The following MTREX variants were observed in gnomAD, a reference collection of about 807,000 sequenced individuals.
MTREX encodes the protein Mtr4 exosome RNA helicase, also known as exosome RNA helicase MTR4.
Under a neutral mutation model 135.4 loss-of-function variants are expected in MTREX, and 76 were observed. The ratio of observed to expected loss-of-function variants is 0.56; its 90% CI spans 0.47 to 0.68. The LOEUF (loss-of-function observed/expected upper bound fraction) is 0.68, where lower values mean the gene tolerates loss of function less well. Among genes scored for constraint, MTREX ranks in the 30% least tolerant of loss-of-function variants. MTREX has a pLI of 0.00. For missense variants in MTREX, 920 were observed against 1,262.1 expected (o/e 0.73, Z 4.11); for synonymous variants, 404 against 401.6 (o/e 1.01, Z -0.07).
intron 3 of MTREX, among the ~76,000 whole-genome samples, chr5:55,325,762 ACCCTTTCCCACTTCACTTCCTG>A (rs1228091296): frequency 6.6e-6 from 1 of 151,412 alleles, no homozygotes; most frequent in Admixed American, 6.6e-5. Flanking sequence ...TAGTTTTTCA[ACCCTTTCCCACTTCACTTCCTG>A]CTGTTGGAGT....
intron 2 of MTREX, among the ~76,000 whole-genome samples, chr5:55,323,171 AAG>A (rs1749315955): frequency 6.6e-6 from 1 of 152,180 alleles, no homozygotes; most frequent in African/African-American, 2.4e-5. Flanking sequence ...TGGAATATTT[AAG>A]ATGCACCATT....
At chr5:55,384,068 G>T (rs906276217) in intron 18 of MTREX, among the ~76,000 whole-genome samples, 1 of 152,146 alleles carries the variant, frequency 6.6e-6, no homozygotes, top group African/African-American at 2.4e-5. Flanking sequence ...ACTGTGCCCA[G>T]GCCATTATTT....
intron 25 of MTREX, among the ~76,000 whole-genome samples, chr5:55,420,080 C>G (rs1751029499): frequency 6.6e-6 from 1 of 152,138 alleles, no homozygotes; most frequent in Non-Finnish European, 1.5e-5. Flanking sequence ...TTCTGAGACC[C>G]TAGTGGGAAT....
rs555205514 is a variant in MTREX at position 55,418,009 on chromosome 5, C to T, written c.2971+1877C>T. On this transcript the variant is annotated intron_variant, in intron 25 of 26. Transcript: ENST00000230640. Reference sequence around the variant, plus strand: ...CAACACTTTGGGAGGCCGAGGCGGGCGGATCAGGAGGTCAGGAAATCGAGA... The same window carrying T: ...CAACACTTTGGGAGGCCGAGGCGGGTGGATCAGGAGGTCAGGAAATCGAGA... Among the ~76,000 whole-genome samples the T allele has an allele frequency of 3.6e-4, 55 of 150,814 alleles. 1 individual carries two copies. In the East Asian group the frequency reaches 8.8e-3, roughly 24 times the overall value.
intron 16 of MTREX, among the ~76,000 whole-genome samples, chr5:55,376,248 C>T (rs1050703636): frequency 4.6e-5 from 7 of 152,182 alleles, no homozygotes; most frequent in Non-Finnish European, 1.0e-4. Flanking sequence ...TGACCATTTC[C>T]CATGAATGAT....
At chr5:55,311,935 C>T (rs1749119654) in intron 1 of MTREX, among the ~76,000 whole-genome samples, 1 of 152,078 alleles carries the variant, frequency 6.6e-6, no homozygotes, top group African/African-American at 2.4e-5. Context: ...ATATACTGGA[C>T]TGCTCTGATC....
intron 1 of MTREX, among the ~76,000 whole-genome samples, chr5:55,315,742 A>T (rs1398602127): frequency 1.3e-5 from 2 of 151,808 alleles, no homozygotes; most frequent in African/African-American, 4.8e-5. Flanking sequence ...ATTTATACTT[A>T]TGTATAATTG....
intron 18 of MTREX, among the ~76,000 whole-genome samples, chr5:55,383,096 C>CAA (rs1750422526): frequency 6.6e-6 from 1 of 152,130 alleles, no homozygotes; most frequent in African/African-American, 2.4e-5. Flanking sequence ...GTTTTGCTCC[C>CAA]ACCTACTTCC....
At chr5:55,421,539 CTTAGT>C (rs2111633742) in intron 25 of MTREX, among the ~76,000 whole-genome samples, 1 of 152,304 alleles carries the variant, frequency 6.6e-6, no homozygotes, top group Non-Finnish European at 1.5e-5. Context: ...ATTTACTTGC[CTTAGT>C]TTATTCTTTA....
chr5:55,331,653 T>C (rs925680942), intron 5 of MTREX, among the ~76,000 whole-genome samples: 1 of 152,206 alleles, frequency 6.6e-6, no homozygotes, highest in African/African-American at 2.4e-5. Context: ...TTCAGAACCT[T>C]CTCTTTGCAG....
In MTREX at chr5:55,366,717, T is replaced by C; in HGVS notation, c.1660-8T>C. 6.6e-7 allele frequency: 1 copy of C among 1,522,334 alleles called. No homozygotes were observed. The highest frequency in any genetic ancestry group is 8.8e-7 in the Non-Finnish European group (1 of 1,136,176). The allele number at this position is 1,522,334 out of a possible 1,614,324, so 94.3% of individuals were successfully genotyped here. On this transcript the variant is annotated splice_region_variant and splice_polypyrimidine_tract_variant and intron_variant, in intron 15 of 26. Coordinates refer to ENST00000230640, the MANE Select transcript of MTREX (RefSeq NM_015360.5). ...AACTACAAAATTGACATTTTTTTTCTCTCTTAGGGCTCCGCTGATCCTCTA... is the reference window on the plus strand; with the variant it reads ...AACTACAAAATTGACATTTTTTTTCCCTCTTAGGGCTCCGCTGATCCTCTA...
chr5:55,329,063 T>C (rs187384620), intron 5 of MTREX, among the ~76,000 whole-genome samples: 2 of 152,360 alleles, frequency 1.3e-5, no homozygotes, highest in Admixed American at 1.3e-4. Flanking sequence ...CCTGTTGGTT[T>C]TTCACAGATG....
chr5:55,398,608 A>G (rs1016970975), intron 20 of MTREX, among the ~76,000 whole-genome samples: 2 of 152,258 alleles, frequency 1.3e-5, no homozygotes, highest in African/African-American at 4.8e-5. Flanking sequence ...AGAAATACAC[A>G]TTAATCATTA....
At chr5:55,418,252 A>T (rs1286216663) in intron 25 of MTREX, among the ~76,000 whole-genome samples, 2 of 151,538 alleles carry the variant, frequency 1.3e-5, no homozygotes, top group Admixed American at 1.3e-4. Flanking sequence ...AAAAAGAAAA[A>T]AAGAAAAGTA....
chr5:55,367,781 A>G (rs773088980), intron 16 of MTREX, among the ~76,000 whole-genome samples: 9 of 152,240 alleles, frequency 5.9e-5, no homozygotes, highest in Non-Finnish European at 8.8e-5. Context: ...AATGGAGGCA[A>G]CGATTTAAAG....
At chr5:55,366,684 A>T in intron 15 of MTREX, 41 bp from the exon 16 acceptor site, 1 of 1,465,090 alleles carries the variant, frequency 6.8e-7, no homozygotes, top group African/African-American at 1.4e-5. Flanking sequence ...GTGTAAATTT[A>T]TTTGGAAAAC....
intron 24 of MTREX, among the ~76,000 whole-genome samples, chr5:55,415,317 A>G (rs1024416693): frequency 5.3e-5 from 8 of 152,144 alleles, no homozygotes; most frequent in Non-Finnish European, 1.2e-4. Flanking sequence ...GTTTACCTAG[A>G]TAAGAAACCT....
At chr5:55,397,602 G>T in intron 20 of MTREX, 76 bp downstream of exon 20, 4 of 811,306 alleles carry the variant, frequency 4.9e-6, no homozygotes, top group Middle Eastern at 2.7e-4. Flanking sequence ...CAACTGAAAT[G>T]CTTTTAAATA....
In MTREX at chr5:55,393,558, G is replaced by C. The variant is rs544797273; in HGVS notation, c.2182-3858G>C. Among the ~76,000 whole-genome samples, 161 of 152,246 alleles carry C rather than the reference G, an allele frequency of 1.1e-3. 5 individuals are homozygous for C. Among genetic ancestry groups the C allele is most frequent in the East Asian group, 5.4e-3 (28 of 5,178 alleles). ...GCTTGAAATGTATTTAGAATGTATT[G>C]ACTTAAAACTTGCTTCTTATATTGT... On this transcript the variant is annotated intron_variant, in intron 19 of 26. Transcript: ENST00000230640.
Sources: allele counts gnomAD v4.1 joint callset (sites outside exome capture counted in the v4.1 genomes callset), GRCh38; gene constraint gnomAD v4.1.1; transcripts MANE v1.5; gene names NCBI Gene and HGNC (gene_info 2026-07-23, HGNC 2026-07-21).